Variants in LMTK2 observed in about 807,000 individuals in gnomAD.
LMTK2 encodes the protein lemur tail kinase 2.
LMTK2 carries 37 observed loss-of-function variants against 127.5 expected under a neutral mutation model. That is an observed-to-expected ratio of 0.29 (90% CI 0.22 to 0.38). The LOEUF (loss-of-function observed/expected upper bound fraction) is 0.38, where lower values mean the gene tolerates loss of function less well. Among genes scored for constraint, LMTK2 ranks in the 10% least tolerant of loss-of-function variants. LMTK2 has a pLI of 1.00. For synonymous variants in LMTK2, 819 were observed against 810.1 expected, an observed-to-expected ratio of 1.01 and a Z score of -0.19; for missense variants, 1,694 against 1,920.3, an observed-to-expected ratio of 0.88 and a Z score of 2.20.
At chr7:98,186,371 C>T (rs937557807) in intron 8 of LMTK2, among the ~76,000 whole-genome samples, 2 of 152,126 alleles carry the variant, frequency 1.3e-5, no homozygotes, top group African/African-American at 4.8e-5. Context: ...TGCATCATCT[C>T]ATTTAATCCT....
At chr7:98,109,092 C>T (rs952769968) in intron 1 of LMTK2, among the ~76,000 whole-genome samples, 18 of 152,052 alleles carry the variant, frequency 1.2e-4, no homozygotes, top group East Asian at 7.7e-4. Flanking sequence ...AACTCCTGAC[C>T]TCGTGATTCA....
intron 1 of LMTK2, among the ~76,000 whole-genome samples, chr7:98,110,518 A>G (rs562543515): frequency 1.3e-5 from 2 of 152,292 alleles, no homozygotes; most frequent in East Asian, 3.9e-4. Flanking sequence ...CTGTTTTCAC[A>G]CCCAGTTAAA....
intron 3 of LMTK2, among the ~76,000 whole-genome samples, chr7:98,149,217 C>T (rs544477455): frequency 3.9e-5 from 6 of 152,178 alleles, no homozygotes; most frequent in African/African-American, 7.2e-5. Flanking sequence ...CTGTGCTCCC[C>T]GTGGACCCTG....
At chr7:98,174,115 A>G (rs995073454) in intron 7 of LMTK2, among the ~76,000 whole-genome samples, 16 of 151,866 alleles carry the variant, frequency 1.1e-4, no homozygotes, top group Non-Finnish European at 1.8e-4. Flanking sequence ...AAAAAAAAAA[A>G]AAAAAAAGAA....
chr7:98,139,274 C>G (rs1231847613), intron 2 of LMTK2, among the ~76,000 whole-genome samples: 2 of 152,134 alleles, frequency 1.3e-5, no homozygotes, highest in African/African-American at 4.8e-5. Context: ...GCCATCATTC[C>G]CTGCTAAGTT....
intron 11 of LMTK2, among the ~76,000 whole-genome samples, chr7:98,202,684 C>T (rs1159413723): frequency 1.3e-5 from 2 of 152,156 alleles, no homozygotes; most frequent in African/African-American, 2.4e-5. Context: ...TGAACCTGCC[C>T]CACGTGTGTG....
At chr7:98,157,042 G>A (rs1341551906) in intron 5 of LMTK2, among the ~76,000 whole-genome samples, 1 of 152,154 alleles carries the variant, frequency 6.6e-6, no homozygotes, top group Non-Finnish European at 1.5e-5. Flanking sequence ...GAGCCCAGGA[G>A]TTCAAGACCA....
chr7:98,196,052 C>T (rs901058427), intron 11 of LMTK2, among the ~76,000 whole-genome samples: 14 of 151,968 alleles, frequency 9.2e-5, no homozygotes, highest in Non-Finnish European at 1.5e-4. Context: ...TAGCCAGTCA[C>T]GGTAGGCAAG....
intron 9 of LMTK2, among the ~76,000 whole-genome samples, chr7:98,187,578 TGA>T (rs1491488742): frequency 5.9e-5 from 9 of 151,786 alleles, no homozygotes; most frequent in Non-Finnish European, 1.0e-4. Flanking sequence ...TGGGGTACAG[TGA>T]TATATATATA....
chr7:98,159,553 G>T, intron 6 of LMTK2, 128 bp downstream of exon 6: 2 of 684,456 alleles, frequency 2.9e-6, no homozygotes, highest in Non-Finnish European at 2.6e-6. Context: ...TTTATGATGA[G>T]TTACTTTTAT....
At chr7:98,157,961 G>A (rs1004612014) in intron 5 of LMTK2, among the ~76,000 whole-genome samples, 4 of 152,208 alleles carry the variant, frequency 2.6e-5, no homozygotes, top group African/African-American at 4.8e-5. Context: ...GGCAGTTCCC[G>A]GGTTTGGGTG....
intron 7 of LMTK2, among the ~76,000 whole-genome samples, chr7:98,172,372 T>G (rs1797207537): frequency 1.3e-5 from 2 of 150,996 alleles, no homozygotes; most frequent in Admixed American, 6.6e-5. Context: ...TGGCACGTTC[T>G]CGGCTCACTG....
At position 98,171,676 on chromosome 7, in the gene LMTK2, T is replaced by A; in HGVS notation, c.791+2T>A. On this transcript the variant is annotated splice_donor_variant, in intron 7 of 13. Coordinates refer to ENST00000297293, the MANE Select transcript of LMTK2 (RefSeq NM_014916.4). LOFTEE classifies it high-confidence loss of function. The surrounding 1 kb of genome is among the most constrained non-coding windows in gnomAD (Gnocchi z 5.1). ...GCACAAGCTGCACTTCCTGCACAGG[T>A]GGGTACCTGCGTCAGCGGTGCACGC... The A allele has an allele frequency of 1.9e-6, 3 of 1,577,714 alleles. No individual in the cohort carries two copies. The highest frequency in any genetic ancestry group is 8.6e-7 in the Non-Finnish European group (1 of 1,162,892).
chr7:98,142,592 A>G (rs192752102), intron 3 of LMTK2, among the ~76,000 whole-genome samples: 1 of 152,322 alleles, frequency 6.6e-6, no homozygotes, highest in African/African-American at 2.4e-5. Flanking sequence ...TTTCCTTTAT[A>G]CTTAAGAAAA....
chr7:98,173,962 A>G (rs1208036273), intron 7 of LMTK2, among the ~76,000 whole-genome samples: 1 of 152,140 alleles, frequency 6.6e-6, no homozygotes, highest in African/African-American at 2.4e-5. Context: ...AGGCTGAGGC[A>G]GGAGAATGGC....
At position 98,201,509 on chromosome 7, in the gene LMTK2, C is replaced by A. The variant is rs571915112; in HGVS notation, c.4108-2065C>A. Among the ~76,000 whole-genome samples the A allele has an allele frequency of 2.6e-5, 4 of 152,296 alleles. No homozygotes were observed. The South Asian group carries it at 8.3e-4, about 32-fold the overall frequency. ...GATTTGGGATGCTCAAGCTGTAATACATGTTTTATCCCTGGCTGCTTTCAA... is the reference window on the plus strand; with the variant it reads ...GATTTGGGATGCTCAAGCTGTAATAAATGTTTTATCCCTGGCTGCTTTCAA... On this transcript the variant is annotated intron_variant, in intron 11 of 13. Coordinates refer to ENST00000297293, the MANE Select transcript of LMTK2 (RefSeq NM_014916.4).
chr7:98,176,223 ATT>A (rs1171063887), intron 7 of LMTK2, among the ~76,000 whole-genome samples: 55 of 152,258 alleles, frequency 3.6e-4, no homozygotes, highest in Non-Finnish European at 6.6e-4. Context: ...ATTTAGTATA[ATT>A]CAGCAGCTAT....
Position 98,205,621 on chromosome 7 carries a change from G to A in LMTK2, c.*129G>A. ...AGATTGGGAGGAAGAATCCAGAGGT[G>A]AAGAGGGAGACGGCTCTTAGCTGCG... is the stretch of plus-strand genomic sequence containing the variant. On this transcript the variant is annotated 3_prime_UTR_variant, in exon 14 of 14. Transcript: ENST00000297293. 1 of 1,013,638 alleles carries A rather than the reference G, an allele frequency of 9.9e-7. No homozygotes were observed. The highest frequency in any genetic ancestry group is 1.5e-6 in the Non-Finnish European group (1 of 674,758). 62.8% of individuals were successfully genotyped at this position (1,013,638 alleles called of 1,614,324 possible).
intron 1 of LMTK2, 127 bp from the exon 2 acceptor site, chr7:98,137,188 C>A: frequency 1.2e-6 from 1 of 823,930 alleles, no homozygotes. Flanking sequence ...GGATCATCAG[C>A]TTTTTCTCGA....
Sources: allele counts gnomAD v4.1 joint callset (sites outside exome capture counted in the v4.1 genomes callset), GRCh38; gene constraint gnomAD v4.1.1; non-coding constraint Gnocchi (gnomAD v3.1); transcripts MANE v1.5; gene names NCBI Gene and HGNC (gene_info 2026-07-23, HGNC 2026-07-21).